FRRS1L: variants seen among roughly 807,000 people sequenced by gnomAD.
The protein encoded by FRRS1L is ferric chelate reductase 1 like, also known as DOMON domain-containing protein FRRS1L.
FRRS1L carries 22 observed loss-of-function variants against 28.6 expected under a neutral mutation model. The ratio of observed to expected loss-of-function variants is 0.77; its 90% CI spans 0.55 to 1.10. The LOEUF (loss-of-function observed/expected upper bound fraction) is 1.10, where lower values mean the gene tolerates loss of function less well. Among genes scored for constraint, FRRS1L ranks in the 50% least tolerant of loss-of-function variants. The pLI, the probability that FRRS1L is intolerant of heterozygous loss-of-function variation, is 0.00. For missense variants in FRRS1L, 380 were observed against 386.9 expected (o/e 0.98, Z 0.15); for synonymous variants, 158 against 151.4 (o/e 1.04, Z -0.32).
Position 109,167,245 on chromosome 9 carries a change from G to A in FRRS1L, c.-107C>T. ...GAGGCCACCAGCACGCGCCCGCGCA[G>A]CCGCGGAGCCTCCCGCACCCCCGCC... On this transcript the variant is annotated 5_prime_UTR_variant, in exon 1 of 5. Coordinates refer to ENST00000561981, the MANE Select transcript of FRRS1L (RefSeq NM_014334.4). 7.2e-7 allele frequency: 1 copy of A among 1,392,894 alleles called. No homozygotes were observed. The highest frequency in any genetic ancestry group is 9.4e-7 in the Non-Finnish European group (1 of 1,069,508). 86.3% of individuals were successfully genotyped at this position (1,392,894 alleles called of 1,614,324 possible).
In FRRS1L at chr9:109,134,575, T is replaced by A. The variant is rs1831091794; in HGVS notation, c.*2880A>T. On this transcript the variant is annotated 3_prime_UTR_variant, in exon 5 of 5. Coordinates refer to ENST00000561981, the MANE Select transcript of FRRS1L (RefSeq NM_014334.4). ...GAGGAGGAGTGGCAAAAGATGATATTGCAGGTCACAGAAATGGCTTGCATT... is the reference window on the plus strand; with the variant it reads ...GAGGAGGAGTGGCAAAAGATGATATAGCAGGTCACAGAAATGGCTTGCATT... 1.3e-5 allele frequency: 2 copies of A among 152,214 alleles called. No homozygotes were observed. The highest frequency in any genetic ancestry group is 4.1e-4 in the South Asian group (2 of 4,832). The allele number at this position is 152,214 out of a possible 1,614,324, so 9.4% of individuals were successfully genotyped here. A position where few individuals can be genotyped will look rare whatever the true frequency, so the allele number is the denominator to read the frequency against.
At position 109,134,543 on chromosome 9, in the gene FRRS1L, A is replaced by C. The variant is rs1306080055; in HGVS notation, c.*2912T>G. 6.6e-6 allele frequency: 1 copy of C among 152,248 alleles called. No individual in the cohort carries two copies. The highest frequency in any genetic ancestry group is 1.5e-5 in the Non-Finnish European group (1 of 68,050). 9.4% of individuals were successfully genotyped at this position (152,248 alleles called of 1,614,324 possible). A position where few individuals can be genotyped will look rare whatever the true frequency, so the allele number is the denominator to read the frequency against. On this transcript the variant is annotated 3_prime_UTR_variant, in exon 5 of 5. Coordinates refer to ENST00000561981, the MANE Select transcript of FRRS1L (RefSeq NM_014334.4). The stretch of plus-strand genomic sequence containing the variant: ...GAGCCTCTCAGTCTTGCTAAGACAT[A>C]GCAAGTGAGGAGGAGTGGCAAAAGA...
rs151275617 is a variant in FRRS1L, at chr9:109,141,899, T to TA, written c.463-311dup. On this transcript the variant is annotated intron_variant, in intron 3 of 4. Transcript: ENST00000561981. Reference sequence around the variant, plus strand: ...CTGAAGGTCATTCTACAAAAAAAATTAAAAAAATACCTAGCCTATAATCTT... The same window carrying TA: ...CTGAAGGTCATTCTACAAAAAAAATTAAAAAAAATACCTAGCCTATAATCTT... Among the ~76,000 whole-genome samples the TA allele has an allele frequency of 0.064, 8,118 of 126,088 alleles. 361 individuals carry two copies. Among genetic ancestry groups the TA allele is most frequent in the Admixed American group, 0.15 (1,899 of 12,890 alleles). The allele number at this position is 126,088 out of a possible 152,430, so 82.7% of individuals were successfully genotyped here.
intron 1 of FRRS1L, among the ~76,000 whole-genome samples, chr9:109,158,639 G>T (rs550740840): frequency 6.6e-6 from 1 of 152,112 alleles, no homozygotes; most frequent in Non-Finnish European, 1.5e-5. Flanking sequence ...TATTTTCAAG[G>T]TTCATTACAT....
Position 109,167,092 on chromosome 9 carries a change from A to G in FRRS1L, c.47T>C (p.Leu16Pro). 1.7e-6 allele frequency: 2 copies of G among 1,181,762 alleles called. No homozygotes were observed. Among genetic ancestry groups the G allele is most frequent in the Non-Finnish European group, 2.1e-6 (2 of 957,508 alleles). 73.2% of individuals were successfully genotyped at this position (1,181,762 alleles called of 1,614,324 possible). A position where few individuals can be genotyped will look rare whatever the true frequency, so the allele number is the denominator to read the frequency against. Residue 16 changes from leucine (L) to proline (P), a missense_variant, in exon 1 of 5, where the codon CTC becomes CCC. Coordinates refer to ENST00000561981, the MANE Select transcript of FRRS1L (RefSeq NM_014334.4). ...GGCGGGCCCCGTCAGTAGCAGCAGG[A>G]GCAGCGACGCCCAGACCCCCGGGTG... ...RQHPGVWASLLLLLLTGPAAC... is the reference protein window; with the variant it reads ...RQHPGVWASLPLLLLTGPAAC...
chr9:109,141,479 T>G lies in FRRS1L; in HGVS notation c.573A>C (p.Arg191Ser). The G allele has an allele frequency of 6.2e-7, 1 of 1,614,198 alleles. No individual in the cohort carries two copies. The change falls in exon 4 of 5, where the codon AGA becomes AGC. Residue 191 changes from arginine to serine, a missense_variant. Physicochemically the swap from Arg to Ser is moderately radical, Grantham distance 110 (BLOSUM62 -1). Coordinates refer to ENST00000561981, the MANE Select transcript of FRRS1L (RefSeq NM_014334.4). ...TGTTCTCAAAAACTCCTTCTTCATC[T>G]CTGGCAGGGTTTCTCTGAATCTCCT... ...WAKEIQRNPA[R>S]DEEGVFENNR...
intron 2 of FRRS1L, among the ~76,000 whole-genome samples, chr9:109,148,936 C>T (rs1315866708): frequency 6.6e-6 from 1 of 152,164 alleles, no homozygotes; most frequent in East Asian, 1.9e-4. Flanking sequence ...ATTTTTCCTT[C>T]TTAGACCTTA....
chr9:109,147,276 T>G, intron 2 of FRRS1L, 87 bp from the exon 3 acceptor site: 1 of 1,097,536 alleles, frequency 9.1e-7, no homozygotes, highest in South Asian at 1.4e-5. Flanking sequence ...TGTGGGATGC[T>G]AAGCAATATT....
chr9:109,147,892 T>A (rs956520124), intron 2 of FRRS1L: 1 of 152,208 alleles, frequency 6.6e-6, no homozygotes, highest in African/African-American at 2.4e-5. Context: ...AAAATCCTTA[T>A]TTATGCGATA....
At chr9:109,161,948 G>T (rs1831485339) in intron 1 of FRRS1L, among the ~76,000 whole-genome samples, 1 of 152,184 alleles carries the variant, frequency 6.6e-6, no homozygotes, top group Admixed American at 6.5e-5. Flanking sequence ...GCACTCCACT[G>T]CTTAGGAAAC....
intron 1 of FRRS1L, among the ~76,000 whole-genome samples, chr9:109,160,214 G>T (rs373255423): frequency 2.0e-4 from 31 of 152,074 alleles, no homozygotes; most frequent in African/African-American, 7.5e-4. Flanking sequence ...GCCTCCAGGG[G>T]TTTCTCCCTG....
At chr9:109,157,773 A>G (rs1831429675) in intron 1 of FRRS1L, among the ~76,000 whole-genome samples, 1 of 152,228 alleles carries the variant, frequency 6.6e-6, no homozygotes, top group African/African-American at 2.4e-5. Context: ...ATACTGTTAC[A>G]GGTAAACATT....
At chr9:109,147,025 A>C in intron 3 of FRRS1L, 26 bp downstream of exon 3, 1 of 1,607,326 alleles carries the variant, frequency 6.2e-7, no homozygotes, top group Non-Finnish European at 8.5e-7. Context: ...AGAAAAAATC[A>C]GCTTCTATCA....
chr9:109,157,479 T>C (rs571580988), intron 1 of FRRS1L, among the ~76,000 whole-genome samples: 6 of 152,290 alleles, frequency 3.9e-5, no homozygotes, highest in African/African-American at 9.6e-5. Flanking sequence ...CTCAAATTCC[T>C]GGACTCAAGC....
At position 109,141,391 on chromosome 9, in the gene FRRS1L, G is replaced by A. The variant is rs768519807; in HGVS notation, c.661C>T (p.Leu221=). The A allele has an allele frequency of 1.9e-6, 3 of 1,614,120 alleles. No individual in the cohort carries two copies. Among genetic ancestry groups the A allele is most frequent in the Non-Finnish European group, 2.5e-6 (3 of 1,179,994 alleles). ...AACAGATAATACCAACTCAAATGCA[G>A]ATCAACAATTGTTTCATCTCTGGGA... ...NVPRDETIVD[L]HLSWYYLFAW... is the part of the protein sequence containing the mutation. Residue 221 remains leucine, a synonymous_variant, in exon 4 of 5, where the codon CTG becomes TTG. Transcript: ENST00000561981.
At chr9:109,155,120 T>G (rs574631862) in intron 1 of FRRS1L, among the ~76,000 whole-genome samples, 1 of 152,334 alleles carries the variant, frequency 6.6e-6, no homozygotes, top group South Asian at 2.1e-4. Context: ...TGCATTAGCC[T>G]GTTCATGGCC....
In FRRS1L at chr9:109,164,417, G is replaced by A. The variant is rs1831520912; in HGVS notation, c.238+2484C>T. On this transcript the variant is annotated intron_variant, in intron 1 of 4. Transcript: ENST00000561981. Reference sequence around the variant, plus strand: ...GTTGATTTTTTTTTTTTTTTTTTGAGACCGAGTCTCACTCTGTTGTCCAGG... The same window carrying A: ...GTTGATTTTTTTTTTTTTTTTTTGAAACCGAGTCTCACTCTGTTGTCCAGG... Among the ~76,000 whole-genome samples, 4 of 130,686 alleles carry A rather than the reference G, an allele frequency of 3.1e-5. No homozygotes were observed. The South Asian group carries it at 9.5e-4, about 31-fold the overall frequency. The allele number at this position is 130,686 out of a possible 152,430, so 85.7% of individuals were successfully genotyped here. A position where few individuals can be genotyped will look rare whatever the true frequency, so the allele number is the denominator to read the frequency against.
chr9:109,140,528 T>G (rs1831165447), intron 4 of FRRS1L: 1 of 152,032 alleles, frequency 6.6e-6, no homozygotes, highest in Admixed American at 6.6e-5. Context: ...ACTTTAACAA[T>G]ATAGCCAGGT....
At position 109,147,174 on chromosome 9, in the gene FRRS1L, G is replaced by GC; in HGVS notation, c.338dup (p.Cys114LeufsTer2). ...AATAGTCACAGGTCTCTGCATTACA[G>GC]CCTGGTTTGCCATATCTAGAAGAGA... On this transcript the variant is annotated frameshift_variant, in exon 3 of 5. Transcript: ENST00000561981. LOFTEE classifies it high-confidence loss of function. 2 of 1,613,364 alleles carry GC rather than the reference G, an allele frequency of 1.2e-6. No homozygotes were observed. The highest frequency in any genetic ancestry group is 4.5e-5 in the East Asian group (2 of 44,882).
Sources: allele counts gnomAD v4.1 joint callset (sites outside exome capture counted in the v4.1 genomes callset), GRCh38; gene constraint gnomAD v4.1.1; transcripts MANE v1.5; gene names NCBI Gene and HGNC (gene_info 2026-07-23, HGNC 2026-07-21).